Variants in NDUFAB1 observed in about 807,000 individuals in gnomAD.
NDUFAB1 encodes the protein NADH:ubiquinone oxidoreductase subunit AB1, also known as acyl carrier protein, mitochondrial.
In NDUFAB1, 5 loss-of-function variants were observed where a neutral mutation model predicts 16.1. The observed-to-expected ratio is 0.31, with a 90% CI of 0.16 to 0.65. The LOEUF is 0.65. Ranked by LOEUF, NDUFAB1 falls within the 30% of genes least tolerant of loss-of-function variation. The pLI is 0.77. For synonymous variants in NDUFAB1, 85 were observed against 78.4 expected, an observed-to-expected ratio of 1.08 and a Z score of -0.44; for missense variants, 187 against 205.3, an observed-to-expected ratio of 0.91 and a Z score of 0.54.
At chr16:23,588,410 C>T (rs1016307886) in intron 1 of NDUFAB1, among the ~76,000 whole-genome samples, 1 of 151,758 alleles carries the variant, frequency 6.6e-6, no homozygotes. Flanking sequence ...GCCGAGCCTG[C>T]GCCATTGCAT....
rs1966325965 is a variant in NDUFAB1, at chr16:23,596,260, T to C, written c.31A>G (p.Ser11Gly). The change falls in exon 1 of 5, where the codon AGC (serine) becomes GGC (glycine). Residue 11 changes from serine to glycine, a missense_variant. Around this residue, in one of 3 missense-constraint regions of NDUFAB1, gnomAD observed 135 missense variants for 129.4 expected, o/e 1.04. Transcript: ENST00000007516. ...GGCGCAAAGGCCGCGGGCAGGCGGC[T>C]GACATAGGCTGAAAGGACACGAGAC... MASRVLSAYV[S>G]RLPAAFAPLP... 1.3e-6 allele frequency: 2 copies of C among 1,589,148 alleles called. No individual in the cohort carries two copies. The highest frequency in any genetic ancestry group is 4.7e-5 in the East Asian group (2 of 42,828).
chr16:23,584,694 G>C, intron 3 of NDUFAB1, among the ~76,000 whole-genome samples: 1 of 152,100 alleles, frequency 6.6e-6, no homozygotes, highest in East Asian at 1.9e-4. Context: ...CTCAATTCCA[G>C]ACCTGGTACT....
intron 1 of NDUFAB1, among the ~76,000 whole-genome samples, chr16:23,592,103 C>T (rs985379854): frequency 6.6e-6 from 1 of 152,042 alleles, no homozygotes; most frequent in South Asian, 2.1e-4. Context: ...CTTGAGTGGC[C>T]GGAAAGGAGG....
rs574957862 is a variant in NDUFAB1 at position 23,584,735 on chromosome 16, A to G, written c.379+601T>C. 5.9e-5 allele frequency among the ~76,000 whole-genome samples: 9 copies of G among 152,346 alleles called. No homozygotes were observed. In the South Asian group the frequency reaches 1.4e-3, roughly 25 times the overall value. ...GCACTAGGCAAAGGGATTCCATCCT[A>G]GTCAGCATCATCTGTGAGGAATTTT... On this transcript the variant is annotated intron_variant, in intron 3 of 4. Transcript: ENST00000007516.
intron 4 of NDUFAB1, 58 bp downstream of exon 4, chr16:23,582,218 T>G: frequency 7.3e-7 from 1 of 1,371,510 alleles, no homozygotes; most frequent in Non-Finnish European, 9.5e-7. Context: ...TTAAGTTTCC[T>G]TTATTGAAGA....
chr16:23,585,371 T>G lies in NDUFAB1; in HGVS notation c.344A>C (p.Gln115Pro), dbSNP rs1355480294. Residue 115 changes from glutamine to proline, a missense_variant, in exon 3 of 5, where the codon CAA becomes CCA. Transcript: ENST00000007516. ...MKDLGLDSLD[Q>P]VEIIMAMEDE... ...TTCCATGGCCATGATAATCTCCACTTGGTCCAAACTGTCTAAGCCCAGGTC... is the reference window on the plus strand; with the variant it reads ...TTCCATGGCCATGATAATCTCCACTGGGTCCAAACTGTCTAAGCCCAGGTC... The G allele has an allele frequency of 1.2e-6, 2 of 1,614,030 alleles. No individual in the cohort carries two copies. Among genetic ancestry groups the G allele is most frequent in the Non-Finnish European group, 1.7e-6 (2 of 1,179,890 alleles).
chr16:23,586,076 C>T (rs773593159), intron 2 of NDUFAB1, among the ~76,000 whole-genome samples: 8 of 151,096 alleles, frequency 5.3e-5, no homozygotes, highest in African/African-American at 1.9e-4. Flanking sequence ...TATAGGCGTG[C>T]ACCACCACGC....
At chr16:23,583,204 A>T (rs961695627) in intron 3 of NDUFAB1, among the ~76,000 whole-genome samples, 2 of 152,118 alleles carry the variant, frequency 1.3e-5, no homozygotes, top group Non-Finnish European at 1.5e-5. Flanking sequence ...TGGCCTCCCA[A>T]AGTGCCGAGA....
intron 4 of NDUFAB1, among the ~76,000 whole-genome samples, chr16:23,581,626 CTTAT>C (rs1249989898): frequency 6.6e-6 from 1 of 151,630 alleles, no homozygotes; most frequent in Non-Finnish European, 1.5e-5. Context: ...TTCAAAAAGT[CTTAT>C]TTGATTATTC....
intron 3 of NDUFAB1, among the ~76,000 whole-genome samples, chr16:23,582,666 C>T (rs975483095): frequency 2.0e-5 from 3 of 151,846 alleles, no homozygotes; most frequent in Non-Finnish European, 4.4e-5. Context: ...AGTATATTCA[C>T]ATTGTGCAAC....
intron 1 of NDUFAB1, among the ~76,000 whole-genome samples, chr16:23,589,142 A>G (rs553921209): frequency 1.3e-5 from 2 of 151,956 alleles, no homozygotes; most frequent in South Asian, 4.2e-4. Flanking sequence ...TACCAAAAAT[A>G]TAAGTTAGCT....
chr16:23,583,780 C>T (rs368393997), intron 3 of NDUFAB1, among the ~76,000 whole-genome samples: 3 of 150,734 alleles, frequency 2.0e-5, no homozygotes, highest in South Asian at 4.2e-4. Context: ...TCATTGAGAA[C>T]GGGCCATGAT....
chr16:23,587,373 T>A, intron 1 of NDUFAB1, 54 bp from the exon 2 acceptor site: 1 of 1,598,326 alleles, frequency 6.3e-7, no homozygotes, highest in Non-Finnish European at 8.5e-7. Flanking sequence ...TACCTCTAAA[T>A]CAATGCACAA....
At chr16:23,582,991 A>AT (rs1408738297) in intron 3 of NDUFAB1, among the ~76,000 whole-genome samples, 32 of 138,398 alleles carry the variant, frequency 2.3e-4, no homozygotes, top group African/African-American at 8.6e-4. Flanking sequence ...TGGTTTTCGT[A>AT]TTTTTTTGGT....
intron 3 of NDUFAB1, among the ~76,000 whole-genome samples, chr16:23,583,760 A>AGCC (rs1966205945): frequency 6.8e-6 from 1 of 147,330 alleles, no homozygotes; most frequent in Admixed American, 6.7e-5. Flanking sequence ...AGGGAGGTGT[A>AGCC]CCCAACAGCT....
chr16:23,581,543 C>G (rs1266121930), intron 4 of NDUFAB1, among the ~76,000 whole-genome samples: 1 of 131,788 alleles, frequency 7.6e-6, no homozygotes, highest in Non-Finnish European at 1.6e-5. Context: ...AAGGTTCCAT[C>G]TTTAAAAAAA....
intron 2 of NDUFAB1, among the ~76,000 whole-genome samples, chr16:23,586,116 C>CG (rs1214850274): frequency 1.3e-5 from 2 of 151,422 alleles, no homozygotes; most frequent in Admixed American, 1.3e-4. Flanking sequence ...TTAGTAGAGA[C>CG]GGGGTTTCAC....
intron 1 of NDUFAB1, among the ~76,000 whole-genome samples, chr16:23,589,146 G>GT (rs763804047): frequency 5.3e-4 from 80 of 149,788 alleles, no homozygotes; most frequent in Non-Finnish European, 8.6e-4. Context: ...AAAAATATAA[G>GT]TTAGCTGGGC....
rs1286448088 is a variant in NDUFAB1, at chr16:23,587,283, T to C, written c.205A>G (p.Ser69Gly). The C allele has an allele frequency of 1.2e-6, 2 of 1,614,076 alleles. No individual in the cohort carries two copies. The highest frequency in any genetic ancestry group is 1.7e-6 in the Non-Finnish European group (2 of 1,179,930). ...GRVTQLCRQY[S>G]DMPPLTLEGI... ...TCTAACGTCAAAGGAGGCATGTCGC[T>C]ATACTGGCGGCACAACTGTGTAACT... The change falls in exon 2 of 5, where the codon AGC becomes GGC. Residue 69 changes from serine (S) to glycine (G), a missense_variant. Transcript: ENST00000007516.
Sources: allele counts gnomAD v4.1 joint callset (sites outside exome capture counted in the v4.1 genomes callset), GRCh38; gene constraint gnomAD v4.1.1; regional missense constraint gnomAD v4.1.1; transcripts MANE v1.5; gene names NCBI Gene and HGNC (gene_info 2026-07-23, HGNC 2026-07-21).